The following LCOR variants were observed in gnomAD, a reference collection of about 807,000 sequenced individuals.
LCOR encodes ligand-dependent corepressor.
In LCOR, 14 loss-of-function variants were observed where a neutral mutation model predicts 64.4. That is an observed-to-expected ratio of 0.22 (90% confidence interval 0.14 to 0.34). The LOEUF (loss-of-function observed/expected upper bound fraction) is 0.34. Ranked by LOEUF, LCOR falls within the 10% of genes least tolerant of loss-of-function variation. LCOR has a pLI of 1.00. For missense variants in LCOR, 1,686 were observed against 1,765.3 expected, an observed-to-expected ratio of 0.96 and a Z score of 0.80; for synonymous variants, 643 against 642.5, an observed-to-expected ratio of 1.00 and a Z score of -0.01.
Position 96,984,509 on chromosome 10 carries a change from G to A in LCOR, c.4049G>A (p.Cys1350Tyr). 1 of 1,614,212 alleles carries A rather than the reference G, an allele frequency of 6.2e-7. No homozygotes were observed. The highest frequency in any genetic ancestry group is 1.1e-5 in the South Asian group (1 of 91,082). ...AGTAAGCCAAGTCGTAAGAGCGTAT[G>A]CATCAACCCTCTGATGTCCCCCAAG... ...VESKPSRKSV[C>Y]INPLMSPKLA... is the part of the protein sequence containing the mutation. The change falls in exon 8 of 8, where the codon TGC becomes TAC. Residue 1350 changes from cysteine (C) to tyrosine (Y), a missense_variant. By Grantham distance (194) the Cys-to-Tyr change is radical (BLOSUM62 -2). This residue lies in a region of LCOR where 1,293 missense variants were observed against 1,410.4 expected (regional missense o/e 0.92). Coordinates refer to ENST00000421806, the MANE Select transcript of LCOR (RefSeq NM_001346516.2).
Position 96,905,914 on chromosome 10 carries a change from C to A in LCOR, c.-329-1351C>A, listed in dbSNP as rs538793639. On this transcript the variant is annotated intron_variant, in intron 2 of 7. Transcript: ENST00000421806. ...GATTACTGAAAATTATGGCTTAATA[C>A]CAAGGCAAAGAAATCCCTTACATTA... is the stretch of plus-strand genomic sequence containing the variant. Among the ~76,000 whole-genome samples, 5 of 152,152 alleles carry A rather than the reference C, an allele frequency of 3.3e-5. No homozygotes were observed. The East Asian group carries it at 9.7e-4, about 29-fold the overall frequency.
At chr10:96,883,657 G>T (rs538870098) in intron 2 of LCOR, among the ~76,000 whole-genome samples, 1 of 152,266 alleles carries the variant, frequency 6.6e-6, no homozygotes, top group Non-Finnish European at 1.5e-5. Context: ...TGAGGTGTTT[G>T]TAGAGGTCTT....
At chr10:96,852,451 C>T (rs1402726271) in intron 2 of LCOR, among the ~76,000 whole-genome samples, 1 of 152,072 alleles carries the variant, frequency 6.6e-6, no homozygotes, top group South Asian at 2.1e-4. Context: ...GACAAATTAT[C>T]TTTAGGCTAT....
rs1390775729 is a variant in LCOR, at chr10:96,989,840, G to C, written c.*4706G>C. 1 of 150,684 alleles carries C rather than the reference G, an allele frequency of 6.6e-6. No individual in the cohort carries two copies. Among genetic ancestry groups the C allele is most frequent in the Admixed American group, 6.6e-5 (1 of 15,130 alleles). 9.3% of individuals were successfully genotyped at this position (150,684 alleles called of 1,614,324 possible). ...CAAGTGAGCCACCGCACCAACCCAA[G>C]TATGAGTTTCTATGCTGGTTTTTTT... On this transcript the variant is annotated 3_prime_UTR_variant, in exon 8 of 8. Coordinates refer to ENST00000421806, the MANE Select transcript of LCOR (RefSeq NM_001346516.2).
chr10:96,856,705 G>T (rs1478439803), intron 2 of LCOR, among the ~76,000 whole-genome samples: 1 of 151,604 alleles, frequency 6.6e-6, no homozygotes, highest in East Asian at 2.0e-4. Flanking sequence ...TCTAACTCCT[G>T]AGCTCAGGTG....
At chr10:96,923,255 A>C (rs1847111982) in intron 4 of LCOR, among the ~76,000 whole-genome samples, 2 of 152,212 alleles carry the variant, frequency 1.3e-5, no homozygotes, top group Admixed American at 6.5e-5. Context: ...TGATCTGTCT[A>C]TTCGGGGAGT....
At chr10:96,968,393 A>C (rs1847969147) in intron 7 of LCOR, among the ~76,000 whole-genome samples, 1 of 152,256 alleles carries the variant, frequency 6.6e-6, no homozygotes, top group Non-Finnish European at 1.5e-5. Flanking sequence ...CGTTAGATTC[A>C]GTTTTAACTA....
At chr10:96,844,577 T>C (rs972564249) in intron 2 of LCOR, among the ~76,000 whole-genome samples, 17 of 152,244 alleles carry the variant, frequency 1.1e-4, no homozygotes, top group African/African-American at 4.1e-4. Flanking sequence ...TCTCTTCAGC[T>C]GTCACAGTCC....
At chr10:96,833,558 C>T (rs560401355) in intron 2 of LCOR, 79 bp downstream of exon 2, 2 of 558,220 alleles carry the variant, frequency 3.6e-6, no homozygotes, top group Non-Finnish European at 4.6e-6. Flanking sequence ...CTCTCCTGTC[C>T]TCCAGCATTG....
intron 2 of LCOR, among the ~76,000 whole-genome samples, chr10:96,837,268 G>A (rs1008192779): frequency 6.6e-6 from 1 of 151,862 alleles, no homozygotes; most frequent in Non-Finnish European, 1.5e-5. Flanking sequence ...GGGATTACAG[G>A]CATGAGCCAC....
chr10:96,888,648 A>AT (rs946210891), intron 2 of LCOR, among the ~76,000 whole-genome samples: 7 of 151,898 alleles, frequency 4.6e-5, no homozygotes, highest in Non-Finnish European at 8.8e-5. Context: ...AGACTGATGG[A>AT]TTTTTTTTGT....
intron 2 of LCOR, among the ~76,000 whole-genome samples, chr10:96,904,207 A>C (rs1448583689): frequency 6.6e-6 from 1 of 152,214 alleles, no homozygotes; most frequent in Non-Finnish European, 1.5e-5. Context: ...ATTAATATGT[A>C]TTTGTTGAAC....
intron 4 of LCOR, chr10:96,915,614 CA>C: frequency 4.7e-6 from 4 of 851,464 alleles, no homozygotes; most frequent in Non-Finnish European, 7.9e-6. Context: ...ACACAGTTAT[CA>C]AAAATGCACA....
rs375393821 is a variant in LCOR, at chr10:96,939,797, A to G, written c.-183-4316A>G. 9.2e-5 allele frequency among the ~76,000 whole-genome samples: 14 copies of G among 152,318 alleles called. No homozygotes were observed. In the East Asian group the frequency reaches 1.2e-3, roughly 13 times the overall value. Reference sequence around the variant, plus strand: ...GCCAACACGGTGAAATCCCGTCTCTACTAAAAATACAAAAAATCAGCCGGG... The same window carrying G: ...GCCAACACGGTGAAATCCCGTCTCTGCTAAAAATACAAAAAATCAGCCGGG... On this transcript the variant is annotated intron_variant, in intron 4 of 7. Coordinates refer to ENST00000421806, the MANE Select transcript of LCOR (RefSeq NM_001346516.2).
At chr10:96,973,982 A>G (rs1564643951) in intron 7 of LCOR, among the ~76,000 whole-genome samples, 1 of 152,232 alleles carries the variant, frequency 6.6e-6, no homozygotes, top group East Asian at 1.9e-4. Flanking sequence ...ACCCACCAGT[A>G]TTAACCACAG....
chr10:96,880,417 G>C (rs1422852588), intron 2 of LCOR, among the ~76,000 whole-genome samples: 4 of 151,908 alleles, frequency 2.6e-5, no homozygotes, highest in Non-Finnish European at 5.9e-5. Flanking sequence ...GTTTTGTTTT[G>C]GGAAGAGTCT....
chr10:96,977,867 T>C (rs892802687), intron 7 of LCOR, among the ~76,000 whole-genome samples: 8 of 152,216 alleles, frequency 5.3e-5, no homozygotes, highest in African/African-American at 7.2e-5. Flanking sequence ...GAAGCACTTT[T>C]AATTTGATTC....
intron 2 of LCOR, among the ~76,000 whole-genome samples, chr10:96,901,646 A>AGATTTT (rs1846639456): frequency 1.3e-5 from 2 of 152,324 alleles, no homozygotes; most frequent in African/African-American, 4.8e-5. Context: ...ATCCTATTTT[A>AGATTTT]CAGATACTGC....
chr10:96,964,917 G>C (rs1273368524), intron 7 of LCOR, among the ~76,000 whole-genome samples: 1 of 151,910 alleles, frequency 6.6e-6, no homozygotes, highest in Non-Finnish European at 1.5e-5. Context: ...GTCAGTTAAG[G>C]TTATGATGGT....
Sources: gnomAD v4.1 joint callset for allele counts (sites outside exome capture counted in the v4.1 genomes callset) on GRCh38, gnomAD v4.1.1 for gene constraint, gnomAD v4.1.1 regional missense constraint, MANE v1.5 for transcripts, NCBI Gene and HGNC (gene_info 2026-07-23, HGNC 2026-07-21) for gene names.